The following EVI5 variants were observed in gnomAD, a reference collection of about 807,000 sequenced individuals.
The protein encoded by EVI5 is ecotropic viral integration site 5, also known as ecotropic viral integration site 5 protein homolog.
Under a neutral mutation model 112.0 loss-of-function variants are expected in EVI5, and 73 were observed. That is an observed-to-expected ratio of 0.65 (90% CI 0.54 to 0.79). EVI5 has a LOEUF of 0.79. Among genes scored for constraint, EVI5 ranks in the 30% least tolerant of loss-of-function variants. The pLI, the probability that EVI5 is intolerant of heterozygous loss-of-function variation, is 0.00. For missense variants in EVI5, 900 were observed against 968.8 expected (o/e 0.93, Z 0.94); for synonymous variants, 305 against 319.9 (o/e 0.95, Z 0.50).
At chr1:92,751,079 G>C (rs1680122050) in intron 1 of EVI5, among the ~76,000 whole-genome samples, 1 of 152,304 alleles carries the variant, frequency 6.6e-6, no homozygotes, top group East Asian at 1.9e-4. Flanking sequence ...GAACCCGGGA[G>C]GCAGAGCTGG....
rs1156579322 is a variant in EVI5, at chr1:92,513,601, A to AAT, written c.*53_*54dup. 9.7e-6 allele frequency: 10 copies of AAT among 1,033,960 alleles called. No individual in the cohort carries two copies. The highest frequency in any genetic ancestry group is 1.6e-5 in the African/African-American group (1 of 61,116). The allele number at this position is 1,033,960 out of a possible 1,614,324, so 64.0% of individuals were successfully genotyped here. ...AAACAAATTATTTCCAAAAAGCCCT[A>AAT]ATCATATGATAACTGATCCCTTAAA... On this transcript the variant is annotated 3_prime_UTR_variant, in exon 20 of 20. Transcript: ENST00000684568.
At chr1:92,611,837 A>G (rs951103179) in intron 16 of EVI5, among the ~76,000 whole-genome samples, 10 of 151,992 alleles carry the variant, frequency 6.6e-5, no homozygotes, top group African/African-American at 2.4e-4. Context: ...TGAGGTCAGG[A>G]GCTTGAGGCT....
chr1:92,713,796 C>A (rs1218885419), intron 2 of EVI5, among the ~76,000 whole-genome samples: 2 of 152,052 alleles, frequency 1.3e-5, no homozygotes, highest in African/African-American at 2.4e-5. Flanking sequence ...TAAACCACTT[C>A]TTTTTCTTCA....
At chr1:92,546,769 T>C (rs1367660638) in intron 19 of EVI5, among the ~76,000 whole-genome samples, 2 of 151,826 alleles carry the variant, frequency 1.3e-5, no homozygotes, top group Non-Finnish European at 1.5e-5. Context: ...TACATAATGG[T>C]AAAGGGATCA....
At chr1:92,724,020 G>A (rs1675169879) in intron 2 of EVI5, among the ~76,000 whole-genome samples, 1 of 152,146 alleles carries the variant, frequency 6.6e-6, no homozygotes, top group Non-Finnish European at 1.5e-5. Flanking sequence ...CTCGAACCCT[G>A]TTTCCTGTTA....
At chr1:92,698,201 A>T (rs1279235444) in intron 5 of EVI5, among the ~76,000 whole-genome samples, 1 of 152,204 alleles carries the variant, frequency 6.6e-6, no homozygotes, top group Non-Finnish European at 1.5e-5. Flanking sequence ...CTCTGAAACC[A>T]ACTGCCTCAA....
rs554101081 is a variant in EVI5, at chr1:92,686,008, A to G, written c.1097+7794T>C. Among the ~76,000 whole-genome samples the G allele has an allele frequency of 6.5e-4, 99 of 152,318 alleles. 1 individual carries two copies. Among genetic ancestry groups the G allele is most frequent in the African/African-American group, 2.3e-3 (95 of 41,578 alleles). ...GCACCATTCCTTCCGAAACCATTTC[A>G]ATCAACAGAAAAAGAGGGAATCCAC... is the stretch of plus-strand genomic sequence containing the variant. On this transcript the variant is annotated intron_variant, in intron 9 of 19. Transcript: ENST00000684568.
At chr1:92,786,260 C>CT (rs1685633649), upstream of EVI5, among the ~76,000 whole-genome samples, 1 of 145,498 alleles carries the variant, frequency 6.9e-6, no homozygotes, top group Non-Finnish European at 1.5e-5. Context: ...AAAAACCTTA[C>CT]TTTTTTTTCA....
chr1:92,555,850 A>G lies in EVI5; in HGVS notation c.2166+7792T>C, dbSNP rs1252063635. Reference sequence around the variant, plus strand: ...GGGTGACAGAGTGAAACTCGTCTCAAAAAAAAAAAAAAAAAAAGGAATAAG... The same window carrying G: ...GGGTGACAGAGTGAAACTCGTCTCAGAAAAAAAAAAAAAAAAAGGAATAAG... On this transcript the variant is annotated intron_variant, in intron 19 of 19. Transcript: ENST00000684568. Among the ~76,000 whole-genome samples the G allele has an allele frequency of 1.4e-4, 3 of 21,992 alleles. No individual in the cohort carries two copies. In the Admixed American group the frequency reaches 1.6e-3, roughly 12 times the overall value. The allele number at this position is 21,992 out of a possible 152,430, so 14.4% of individuals were successfully genotyped here. A position where few individuals can be genotyped will look rare whatever the true frequency, so the allele number is the denominator to read the frequency against.
chr1:92,747,151 A>T (rs1350520314), intron 1 of EVI5, among the ~76,000 whole-genome samples: 1 of 152,186 alleles, frequency 6.6e-6, no homozygotes, highest in African/African-American at 2.4e-5. Flanking sequence ...GATTTTTTTT[A>T]AAACAGTACT....
intron 9 of EVI5, among the ~76,000 whole-genome samples, chr1:92,680,151 G>A (rs545224512): frequency 1.1e-4 from 16 of 152,148 alleles, no homozygotes; most frequent in Admixed American, 6.5e-4. Context: ...TTTGGATCAC[G>A]CCACACCCAG....
chr1:92,513,850 C>T lies in EVI5; in HGVS notation c.2287G>A (p.Asp763Asn). 6.2e-7 allele frequency: 1 copy of T among 1,613,616 alleles called. No homozygotes were observed. The highest frequency in any genetic ancestry group is 1.7e-5 in the Admixed American group (1 of 59,970). The change falls in exon 20 of 20, where the codon GAT (aspartate) becomes AAT (asparagine). Residue 763 changes from aspartate (D) to asparagine (N), a missense_variant. Asp to Asn is a conservative substitution (Grantham distance 23). Transcript: ENST00000684568. ...ACACCAGTTTCCTGTAAGGAATTAT[C>T]TATAAAATCTTCATCGGAGGAATGG... is the stretch of plus-strand genomic sequence containing the variant. ...SFHSSDEDFI[D>N]NSLQETGVGF... is the part of the protein sequence containing the mutation.
chr1:92,532,344 T>C (rs1013533961), intron 19 of EVI5, among the ~76,000 whole-genome samples: 6 of 152,176 alleles, frequency 3.9e-5, no homozygotes, highest in African/African-American at 1.4e-4. Context: ...TGGGGGAATT[T>C]AACACCCCAC....
intron 13 of EVI5, among the ~76,000 whole-genome samples, chr1:92,651,005 G>T (rs1185479296): frequency 6.6e-6 from 1 of 152,110 alleles, no homozygotes; most frequent in Non-Finnish European, 1.5e-5. Context: ...AGTAGCACCT[G>T]CACAAACCAC....
chr1:92,645,548 G>T (rs10782940), intron 13 of EVI5, among the ~76,000 whole-genome samples: 140,199 of 152,166 alleles, frequency 0.92, 64,670 homozygotes, highest in East Asian at 0.97. Context: ...TTGCAACTGA[G>T]ACTATTTCAC....
intron 9 of EVI5, among the ~76,000 whole-genome samples, chr1:92,678,851 C>T (rs1306980777): frequency 6.6e-6 from 1 of 152,188 alleles, no homozygotes; most frequent in East Asian, 1.9e-4. Flanking sequence ...TAGCTCACAA[C>T]AACTTTTTAA....
At chr1:92,655,366 ATTT>A (rs1373410235) in intron 13 of EVI5, among the ~76,000 whole-genome samples, 2 of 151,984 alleles carry the variant, frequency 1.3e-5, no homozygotes, top group East Asian at 3.9e-4. Context: ...TCAACCATGA[ATTT>A]TTTATCCTGC....
intron 1 of EVI5, among the ~76,000 whole-genome samples, chr1:92,752,394 C>T (rs925101678): frequency 1.6e-4 from 24 of 152,196 alleles, no homozygotes; most frequent in African/African-American, 4.3e-4. Context: ...AGGCTGGTCT[C>T]GAACTCCTGG....
chr1:92,654,522 A>G (rs1662690780), intron 13 of EVI5, among the ~76,000 whole-genome samples: 1 of 152,206 alleles, frequency 6.6e-6, no homozygotes, highest in Non-Finnish European at 1.5e-5. Flanking sequence ...CAGAGGAAAA[A>G]AATTCCTGTC....
Sources: gnomAD v4.1 joint callset for allele counts (sites outside exome capture counted in the v4.1 genomes callset) on GRCh38, gnomAD v4.1.1 for gene constraint, MANE v1.5 for transcripts, NCBI Gene and HGNC (gene_info 2026-07-23, HGNC 2026-07-21) for gene names.